Variants in SIPA1L2 observed in about 807,000 individuals in gnomAD.
The protein encoded by SIPA1L2 is signal induced proliferation associated 1 like 2, also known as signal-induced proliferation-associated 1-like protein 2.
SIPA1L2 carries 56 observed loss-of-function variants against 163.9 expected under a neutral mutation model. That is an observed-to-expected ratio of 0.34 (90% confidence interval 0.28 to 0.43). SIPA1L2 has a LOEUF of 0.43. Among genes scored for constraint, SIPA1L2 ranks in the 20% least tolerant of loss-of-function variants. The pLI is 1.00. For missense variants in SIPA1L2, 1,974 were observed against 2,193.5 expected (o/e 0.90, Z 2.00); for synonymous variants, 877 against 865.7 (o/e 1.01, Z -0.23).
At chr1:232,421,480 A>G (rs757396797) in intron 18 of SIPA1L2, among the ~76,000 whole-genome samples, 1 of 152,200 alleles carries the variant, frequency 6.6e-6, no homozygotes, top group African/African-American at 2.4e-5. Context: ...TTTCACAATT[A>G]CACTTTTCAG....
chr1:232,628,747 G>A (rs963021348), intron 1 of SIPA1L2, among the ~76,000 whole-genome samples: 1 of 152,024 alleles, frequency 6.6e-6, no homozygotes, highest in Non-Finnish European at 1.5e-5. Flanking sequence ...GCACACAAAC[G>A]CGACTCAAAT....
At chr1:232,552,520 G>A (rs1658450725) in intron 2 of SIPA1L2, among the ~76,000 whole-genome samples, 1 of 151,910 alleles carries the variant, frequency 6.6e-6, no homozygotes, top group South Asian at 2.1e-4. Flanking sequence ...ACAGGCATAT[G>A]CCATCACATC....
chr1:232,464,091 A>T (rs1448221487), intron 9 of SIPA1L2, among the ~76,000 whole-genome samples: 1 of 152,228 alleles, frequency 6.6e-6, no homozygotes, highest in Non-Finnish European at 1.5e-5. Flanking sequence ...TACACACAAG[A>T]AATTCTATTG....
intron 1 of SIPA1L2, among the ~76,000 whole-genome samples, chr1:232,584,932 G>C (rs563268727): frequency 1.3e-5 from 2 of 152,182 alleles, no homozygotes; most frequent in African/African-American, 4.8e-5. Flanking sequence ...ATCCATATAT[G>C]GGGGAGAGAG....
At chr1:232,545,206 T>A (rs952262087) in intron 2 of SIPA1L2, among the ~76,000 whole-genome samples, 2 of 152,274 alleles carry the variant, frequency 1.3e-5, no homozygotes, top group African/African-American at 4.8e-5. Context: ...TAAACTCTTC[T>A]ACAAGGTTCC....
intron 2 of SIPA1L2, among the ~76,000 whole-genome samples, chr1:232,560,902 A>G (rs1428170736): frequency 6.6e-6 from 1 of 152,252 alleles, no homozygotes; most frequent in Non-Finnish European, 1.5e-5. Flanking sequence ...AGGAAAAAAA[A>G]GTAAATAAAA....
intron 3 of SIPA1L2, among the ~76,000 whole-genome samples, chr1:232,499,633 T>C (rs1666365786): frequency 6.6e-6 from 1 of 152,232 alleles, no homozygotes; most frequent in African/African-American, 2.4e-5. Flanking sequence ...GGAGTGAAGC[T>C]ATACCAAGTT....
intron 5 of SIPA1L2, among the ~76,000 whole-genome samples, chr1:232,488,910 A>T (rs1453604126): frequency 6.6e-6 from 1 of 152,184 alleles, no homozygotes; most frequent in African/African-American, 2.4e-5. Context: ...AGTAGAAGAA[A>T]GGTAGCCACA....
chr1:232,432,565 CT>C (rs1204147669), intron 15 of SIPA1L2, 94 bp from the exon 16 acceptor site: 6 of 1,213,484 alleles, frequency 4.9e-6, no homozygotes, highest in Non-Finnish European at 7.1e-6. Context: ...TTACTCAAGT[CT>C]TTCTCCGAGA....
chr1:232,623,521 T>C (rs993113476), intron 1 of SIPA1L2, among the ~76,000 whole-genome samples: 57 of 152,198 alleles, frequency 3.7e-4, no homozygotes, highest in African/African-American at 1.3e-3. Flanking sequence ...GGCAGGAGAA[T>C]GGCAGCAACC....
chr1:232,445,833 C>T, intron 10 of SIPA1L2, 47 bp from the exon 11 acceptor site: 1 of 1,585,046 alleles, frequency 6.3e-7, no homozygotes, highest in Non-Finnish European at 8.6e-7. Flanking sequence ...CTCAGCTGAG[C>T]TGTCAGCATG....
chr1:232,589,172 G>A (rs746323409), intron 1 of SIPA1L2, among the ~76,000 whole-genome samples: 26 of 152,320 alleles, frequency 1.7e-4, no homozygotes, highest in Middle Eastern at 3.4e-3. Context: ...CCTCACCATC[G>A]GGTGACAAAA....
chr1:232,496,360 GCA>G (rs1666190160), intron 3 of SIPA1L2, among the ~76,000 whole-genome samples: 1 of 152,114 alleles, frequency 6.6e-6, no homozygotes, highest in Non-Finnish European at 1.5e-5. Flanking sequence ...GTTTCTGTAA[GCA>G]CACTCTACAG....
At position 232,425,631 on chromosome 1, in the gene SIPA1L2, G is replaced by A. The variant is rs1241203520; in HGVS notation, c.4588C>T (p.Pro1530Ser). ...STTPPYHSTL[P>S]PRAHPAPSMG... ...CTGGGTGCGGGGTGGGCCCGCGGAG[G>A]CAGCGTGCTGTGGTAGGGTGGGGTG... Residue 1530 changes from proline (P) to serine (S), a missense_variant, in exon 18 of 23, where the codon CCT becomes TCT. This residue lies in a region of SIPA1L2 where 1,079 missense variants were observed against 1,150.7 expected (regional missense o/e 0.94). Transcript: ENST00000674635. 1.2e-6 allele frequency: 2 copies of A among 1,610,804 alleles called. No homozygotes were observed. Among genetic ancestry groups the A allele is most frequent in the Non-Finnish European group, 1.7e-6 (2 of 1,178,808 alleles).
chr1:232,579,446 T>A (rs1179998800), intron 1 of SIPA1L2, among the ~76,000 whole-genome samples: 1 of 152,172 alleles, frequency 6.6e-6, no homozygotes, highest in Non-Finnish European at 1.5e-5. Context: ...ACTAAGCACA[T>A]GCTCTGTACT....
At chr1:232,628,273 G>A (rs1663187171) in intron 1 of SIPA1L2, among the ~76,000 whole-genome samples, 1 of 152,184 alleles carries the variant, frequency 6.6e-6, no homozygotes. Context: ...TCCCTGGTAT[G>A]AATCATGCAG....
At chr1:232,610,942 G>A (rs145735274) in intron 1 of SIPA1L2, among the ~76,000 whole-genome samples, 27 of 152,330 alleles carry the variant, frequency 1.8e-4, no homozygotes, top group Middle Eastern at 3.4e-3. Flanking sequence ...CTCTCTGACT[G>A]ATATGGTTTG....
In SIPA1L2 at chr1:232,483,813, G is replaced by T. The variant is rs1665508049; in HGVS notation, c.1960C>A (p.Arg654=). 6.2e-7 allele frequency: 1 copy of T among 1,613,914 alleles called. No homozygotes were observed. The highest frequency in any genetic ancestry group is 2.2e-5 in the East Asian group (1 of 44,864). The change falls in exon 6 of 23, where the codon CGA becomes AGA. Residue 654 remains arginine, a synonymous_variant. Transcript: ENST00000674635. ...TTACTCTTATTGTCTAGCTGAGCTC[G>T]ATATTTACTAAATCCTTTCAGTCGG... ...RVRLKGFSKY[R]AQLDNKTDST... is the part of the protein sequence containing the mutation.
intron 15 of SIPA1L2, among the ~76,000 whole-genome samples, chr1:232,436,488 G>C (rs571622687): frequency 6.6e-6 from 1 of 152,264 alleles, no homozygotes; most frequent in African/African-American, 2.4e-5. Flanking sequence ...AGTTTATTCT[G>C]CTCTTCTGTT....
Sources: allele counts gnomAD v4.1 joint callset (sites outside exome capture counted in the v4.1 genomes callset), GRCh38; gene constraint gnomAD v4.1.1; regional missense constraint gnomAD v4.1.1; transcripts MANE v1.5; gene names NCBI Gene and HGNC (gene_info 2026-07-23, HGNC 2026-07-21).